CDYL2: variants seen among roughly 807,000 people sequenced by gnomAD.
CDYL2 encodes the protein chromodomain Y-like protein 2.
Under a neutral mutation model 49.4 loss-of-function variants are expected in CDYL2, and 23 were observed. The observed-to-expected ratio is 0.47, with a 90% CI of 0.34 to 0.66. The LOEUF (loss-of-function observed/expected upper bound fraction) is 0.66, where lower values mean the gene tolerates loss of function less well. Ranked by LOEUF, CDYL2 falls within the 30% of genes least tolerant of loss-of-function variation. The pLI, the probability that CDYL2 is intolerant of heterozygous loss-of-function variation, is 0.01. For synonymous variants in CDYL2, 360 were observed against 268.8 expected, an observed-to-expected ratio of 1.34 and a Z score of -3.32; for missense variants, 678 against 656.4, an observed-to-expected ratio of 1.03 and a Z score of -0.36.
intron 2 of CDYL2, among the ~76,000 whole-genome samples, chr16:80,644,636 G>A (rs1049605494): frequency 2.0e-5 from 3 of 152,228 alleles, no homozygotes; most frequent in South Asian, 4.1e-4. Context: ...ATGCAAAGGC[G>A]GAAACCCCTG....
rs1234061865 is a variant in CDYL2, at chr16:80,652,144, T to C, written c.617-18908A>G. 2.0e-5 allele frequency among the ~76,000 whole-genome samples: 3 copies of C among 152,194 alleles called. No homozygotes were observed. In the South Asian group the frequency reaches 6.2e-4, roughly 32 times the overall value. ...AATGACATCCCAATAGCAAAGAACATACCTGGGGCACAGATACTAGTTTCT... is the reference window on the plus strand; with the variant it reads ...AATGACATCCCAATAGCAAAGAACACACCTGGGGCACAGATACTAGTTTCT... On this transcript the variant is annotated intron_variant, in intron 2 of 6. Coordinates refer to ENST00000570137, the MANE Select transcript of CDYL2 (RefSeq NM_152342.4).
intron 1 of CDYL2, among the ~76,000 whole-genome samples, chr16:80,754,484 C>A (rs540039264): frequency 6.6e-6 from 1 of 152,206 alleles, no homozygotes; most frequent in Non-Finnish European, 1.5e-5. Flanking sequence ...GAAAATATAC[C>A]AGAATCCGAG....
At chr16:80,804,072 C>A in intron 1 of CDYL2, 78 bp downstream of exon 1, 1 of 938,374 alleles carries the variant, frequency 1.1e-6, no homozygotes, top group Non-Finnish European at 1.3e-6. Context: ...CCGGCCCCGG[C>A]CCGGTCCCCG....
At chr16:80,778,356 A>C (rs187740498) in intron 1 of CDYL2, among the ~76,000 whole-genome samples, 1 of 151,982 alleles carries the variant, frequency 6.6e-6, no homozygotes, top group Admixed American at 6.5e-5. Context: ...AAAGACAGGT[A>C]AGATGATATA....
chr16:80,760,874 C>T (rs761733668), intron 1 of CDYL2, among the ~76,000 whole-genome samples: 4 of 151,916 alleles, frequency 2.6e-5, no homozygotes, highest in Non-Finnish European at 5.9e-5. Context: ...TGCACTCACC[C>T]TGATGTTGAG....
intron 1 of CDYL2, among the ~76,000 whole-genome samples, chr16:80,711,433 G>C (rs1482901960): frequency 2.0e-5 from 3 of 152,208 alleles, no homozygotes; most frequent in Non-Finnish European, 4.4e-5. Context: ...GGACTGCTTT[G>C]AGTGCTTAAC....
At chr16:80,658,177 G>A (rs1358570867) in intron 2 of CDYL2, among the ~76,000 whole-genome samples, 1 of 151,912 alleles carries the variant, frequency 6.6e-6, no homozygotes, top group Admixed American at 6.6e-5. Context: ...TGGTTGGCAG[G>A]GAAAATTGAG....
chr16:80,777,099 G>A (rs182501086), intron 1 of CDYL2, among the ~76,000 whole-genome samples: 3 of 152,224 alleles, frequency 2.0e-5, no homozygotes, highest in Admixed American at 6.5e-5. Flanking sequence ...TAGGATTACA[G>A]GCGTGAGTCA....
At chr16:80,705,034 C>T (rs893710439) in intron 1 of CDYL2, among the ~76,000 whole-genome samples, 1 of 152,190 alleles carries the variant, frequency 6.6e-6, no homozygotes, top group African/African-American at 2.4e-5. Flanking sequence ...TGGGCAGATG[C>T]TCTGTTTGAC....
intron 1 of CDYL2, among the ~76,000 whole-genome samples, chr16:80,706,732 G>A (rs1904418507): frequency 6.6e-6 from 1 of 152,170 alleles, no homozygotes; most frequent in Admixed American, 6.5e-5. Flanking sequence ...AGACAAAGAG[G>A]AAGAAACAAA....
At chr16:80,640,081 T>C (rs1908014871) in intron 2 of CDYL2, among the ~76,000 whole-genome samples, 1 of 152,024 alleles carries the variant, frequency 6.6e-6, no homozygotes, top group Non-Finnish European at 1.5e-5. Context: ...AGTCCCGCAA[T>C]GGGCCCAGAG....
At chr16:80,614,640 T>C (rs1048958387) in intron 4 of CDYL2, among the ~76,000 whole-genome samples, 2 of 152,130 alleles carry the variant, frequency 1.3e-5, no homozygotes, top group Non-Finnish European at 1.5e-5. Flanking sequence ...CCGAGGTGGA[T>C]GGATCACAAG....
At chr16:80,778,760 T>A (rs1182049862) in intron 1 of CDYL2, among the ~76,000 whole-genome samples, 4 of 151,958 alleles carry the variant, frequency 2.6e-5, no homozygotes, top group Admixed American at 6.5e-5. Flanking sequence ...TACCAAATAA[T>A]AAAATGTGTT....
intron 2 of CDYL2, chr16:80,662,596 G>A (rs980388937): frequency 5.1e-6 from 2 of 391,704 alleles, no homozygotes; most frequent in Middle Eastern, 9.0e-4. Flanking sequence ...ACATGGATCT[G>A]CCTTCAAAGA....
chr16:80,719,387 T>G (rs923355378), intron 1 of CDYL2, among the ~76,000 whole-genome samples: 4 of 152,194 alleles, frequency 2.6e-5, no homozygotes, highest in African/African-American at 9.6e-5. Flanking sequence ...CAAGTTGCTG[T>G]ATTAAGTGAG....
chr16:80,747,267 A>T (rs1054348255), intron 1 of CDYL2, among the ~76,000 whole-genome samples: 2 of 152,182 alleles, frequency 1.3e-5, no homozygotes, highest in African/African-American at 4.8e-5. Flanking sequence ...CTCAGCATCT[A>T]GCATCTGAAG....
At chr16:80,787,314 C>T (rs888651556) in intron 1 of CDYL2, among the ~76,000 whole-genome samples, 1 of 152,150 alleles carries the variant, frequency 6.6e-6, no homozygotes, top group Non-Finnish European at 1.5e-5. Context: ...GTAGAAACTA[C>T]ACAAGAAGAC....
intron 2 of CDYL2, among the ~76,000 whole-genome samples, chr16:80,669,968 T>A (rs1477455740): frequency 1.3e-5 from 2 of 152,120 alleles, no homozygotes; most frequent in African/African-American, 4.8e-5. Flanking sequence ...ATCTCACCCG[T>A]CTCCATGCAG....
intron 3 of CDYL2, chr16:80,632,613 A>G (rs991772094): frequency 2.8e-5 from 6 of 210,758 alleles, no homozygotes; most frequent in Non-Finnish European, 4.9e-5. Flanking sequence ...AGTAACATAT[A>G]TATGTATTAT....
Sources: gnomAD v4.1 joint callset for allele counts (sites outside exome capture counted in the v4.1 genomes callset) on GRCh38, gnomAD v4.1.1 for gene constraint, MANE v1.5 for transcripts, NCBI Gene and HGNC (gene_info 2026-07-23, HGNC 2026-07-21) for gene names.